The following NFKB2 variants were observed in gnomAD, a reference collection of about 807,000 sequenced individuals.
The protein encoded by NFKB2 is nuclear factor kappa B subunit 2.
In NFKB2, 21 loss-of-function variants were observed where a neutral mutation model predicts 109.3. The observed-to-expected ratio is 0.19, with a 90% CI of 0.14 to 0.28. NFKB2 has a LOEUF of 0.28. Ranked by LOEUF, NFKB2 falls within the 10% of genes least tolerant of loss-of-function variation. The pLI is 1.00. For synonymous variants in NFKB2, 478 were observed against 489.9 expected (o/e 0.98, Z 0.32); for missense variants, 806 against 1,185.3 (o/e 0.68, Z 4.70).
chr10:102,401,550 C>A lies in NFKB2; in HGVS notation c.2293+32C>A, dbSNP rs201744092. On this transcript the variant is annotated intron_variant, in intron 20 of 22. Transcript: ENST00000661543. This position sits in a 1 kb window ranked among gnomAD's most constrained non-coding sequence, Gnocchi z 4.2. Reference sequence around the variant, plus strand: ...AGCATCAGGCATCCCCAGCCCGACTCCTCTGACTCCTCACAGAGGTCTCTT... The same window carrying A: ...AGCATCAGGCATCCCCAGCCCGACTACTCTGACTCCTCACAGAGGTCTCTT... 6.2e-6 allele frequency: 10 copies of A among 1,607,170 alleles called. No homozygotes were observed. The East Asian group carries it at 2.2e-4, about 36-fold the overall frequency.
intron 14 of NFKB2, 141 bp downstream of exon 14, chr10:102,399,859 G>T (rs2061196599): frequency 7.6e-7 from 1 of 1,321,486 alleles, no homozygotes; most frequent in Non-Finnish European, 1.0e-6. Context: ...AAGCTGCTTG[G>T]TCTCTCCAAA....
rs764207467 is a variant in NFKB2 at position 102,398,901 on chromosome 10, G to A, written c.1117+37G>A. On this transcript the variant is annotated intron_variant, in intron 12 of 22. Transcript: ENST00000661543. The surrounding 1 kb of genome is among the most constrained non-coding windows in gnomAD (Gnocchi z 6.6). Reference sequence around the variant, plus strand: ...CTGATGGAGGGAGGGGTAAAGGTAAGAGAAGCTGTGGAGGAAAAAAATCTG... The same window carrying A: ...CTGATGGAGGGAGGGGTAAAGGTAAAAGAAGCTGTGGAGGAAAAAAATCTG... 2 of 1,575,090 alleles carry A rather than the reference G, an allele frequency of 1.3e-6. No homozygotes were observed. Among genetic ancestry groups the A allele is most frequent in the African/African-American group, 2.7e-5 (2 of 73,808 alleles).
chr10:102,398,303 C>CAGGGCT lies in NFKB2; in HGVS notation c.852+12_852+17dup. On this transcript the variant is annotated splice_region_variant and intron_variant, in intron 10 of 22. Transcript: ENST00000661543. This position sits in a 1 kb window ranked among gnomAD's most constrained non-coding sequence, Gnocchi z 6.6. ...CCACAGATGTGCATAAACAGGTACC[C>CAGGGCT]AGGGCTAGGGCCCGGGCCCGGGCTG... 2.5e-6 allele frequency: 4 copies of CAGGGCT among 1,614,094 alleles called. No individual in the cohort carries two copies. Among genetic ancestry groups the CAGGGCT allele is most frequent in the South Asian group, 1.1e-5 (1 of 91,084 alleles).
Position 102,398,223 on chromosome 10 carries a change from G to T in NFKB2, c.778G>T (p.Val260Phe). The T allele has an allele frequency of 6.2e-7, 1 of 1,614,144 alleles. No individual in the cohort carries two copies. Among genetic ancestry groups the T allele is most frequent in the Non-Finnish European group, 8.5e-7 (1 of 1,180,022 alleles). Residue 260 changes from valine to phenylalanine, a missense_variant, in exon 10 of 23, where the codon GTT (valine) becomes TTT (phenylalanine). Coordinates refer to ENST00000661543, the MANE Select transcript of NFKB2 (RefSeq NM_001322934.2). The surrounding 1 kb of genome is among the most constrained non-coding windows in gnomAD (Gnocchi z 6.6). ...CGTTTTCCTTGTAGATGACATTGAG[G>T]TTCGGTTCTATGAGGATGATGAGAA... Reference protein sequence around the residue: ...CDKVQKDDIEVRFYEDDENGW... With the variant: ...CDKVQKDDIEFRFYEDDENGW...
Position 102,398,689 on chromosome 10 carries a change from T to A in NFKB2, c.992-50T>A. On this transcript the variant is annotated intron_variant, in intron 11 of 22. Coordinates refer to ENST00000661543, the MANE Select transcript of NFKB2 (RefSeq NM_001322934.2). The surrounding 1 kb of genome is among the most constrained non-coding windows in gnomAD (Gnocchi z 6.6). Reference sequence around the variant, plus strand: ...TGAGGGCTCTTCTGGGAAGGGCCCCTGAGGCATGACACAATAACTGGGCTC... The same window carrying A: ...TGAGGGCTCTTCTGGGAAGGGCCCCAGAGGCATGACACAATAACTGGGCTC... 6.2e-7 allele frequency: 1 copy of A among 1,612,018 alleles called. No individual in the cohort carries two copies. Among genetic ancestry groups the A allele is most frequent in the Non-Finnish European group, 8.5e-7 (1 of 1,179,972 alleles).
In NFKB2 at chr10:102,397,505, C is replaced by T. The variant is rs1400124776; in HGVS notation, c.503-22C>T. Reference sequence around the variant, plus strand: ...AGCAGGGAGGGAGAAGCCCAGGGGTCACACATGTACCTACTGCCCAGAGGC... The same window carrying T: ...AGCAGGGAGGGAGAAGCCCAGGGGTTACACATGTACCTACTGCCCAGAGGC... On this transcript the variant is annotated intron_variant, in intron 7 of 22. Transcript: ENST00000661543. The surrounding 1 kb of genome is among the most constrained non-coding windows in gnomAD (Gnocchi z 4.7). 3 of 1,609,030 alleles carry T rather than the reference C, an allele frequency of 1.9e-6. No homozygotes were observed. The highest frequency in any genetic ancestry group is 2.2e-5 in the East Asian group (1 of 44,800).
Position 102,398,126 on chromosome 10 carries a change from A to C in NFKB2, c.766+41A>C. ...ACTTTGGGCACCAAGGACATCGAGT[A>C]TAAGACTGGGGCCAGGGAAGCTCTA... is the stretch of plus-strand genomic sequence containing the variant. On this transcript the variant is annotated intron_variant, in intron 9 of 22. Transcript: ENST00000661543. This position sits in a 1 kb window ranked among gnomAD's most constrained non-coding sequence, Gnocchi z 6.6. 1 of 1,612,976 alleles carries C rather than the reference A, an allele frequency of 6.2e-7. No individual in the cohort carries two copies. Among genetic ancestry groups the C allele is most frequent in the Non-Finnish European group, 8.5e-7 (1 of 1,178,976 alleles).
Position 102,395,743 on chromosome 10 carries a change from A to G in NFKB2, c.-126A>G. On this transcript the variant is annotated 5_prime_UTR_variant, in exon 1 of 23. Coordinates refer to ENST00000661543, the MANE Select transcript of NFKB2 (RefSeq NM_001322934.2). ...CTTCCCCGGCCAAGCCCAACTCCGGATCTCGCTCTCCACCGGATCTCACCC... is the reference window on the plus strand; with the variant it reads ...CTTCCCCGGCCAAGCCCAACTCCGGGTCTCGCTCTCCACCGGATCTCACCC... 1.7e-6 allele frequency: 1 copy of G among 598,286 alleles called. No individual in the cohort carries two copies. Among genetic ancestry groups the G allele is most frequent in the South Asian group, 2.0e-5 (1 of 50,604 alleles). 37.1% of individuals were successfully genotyped at this position (598,286 alleles called of 1,614,324 possible).
chr10:102,400,634 T>C lies in NFKB2; in HGVS notation c.1799-21T>C, dbSNP rs1261159190. ...CTGCCTTAAGGGTCACAGCTGCAGG[T>C]TGAGCATCCTGCATCCTTAGGACTG... On this transcript the variant is annotated intron_variant, in intron 16 of 22. Transcript: ENST00000661543. This position sits in a 1 kb window ranked among gnomAD's most constrained non-coding sequence, Gnocchi z 6.3. 6.2e-6 allele frequency: 10 copies of C among 1,612,424 alleles called. No homozygotes were observed. Among genetic ancestry groups the C allele is most frequent in the South Asian group, 1.1e-5 (1 of 90,928 alleles).
At position 102,395,810 on chromosome 10, in the gene NFKB2, C is replaced by G. The variant is rs1383559190; in HGVS notation, c.-73+14C>G. ...CGGCTGGAGGAGGTCGGACCCTCCC[C>G]CAAATCTGGGCCCCCATCTCCCGCC... On this transcript the variant is annotated intron_variant, in intron 1 of 22. Coordinates refer to ENST00000661543, the MANE Select transcript of NFKB2 (RefSeq NM_001322934.2). 1.7e-6 allele frequency: 1 copy of G among 601,174 alleles called. No homozygotes were observed. Among genetic ancestry groups the G allele is most frequent in the Non-Finnish European group, 2.8e-6 (1 of 360,842 alleles). The allele number at this position is 601,174 out of a possible 1,614,324, so 37.2% of individuals were successfully genotyped here. A position where few individuals can be genotyped will look rare whatever the true frequency, so the allele number is the denominator to read the frequency against.
chr10:102,401,815 G>C lies in NFKB2; in HGVS notation c.2364G>C (p.Gln788His). 1 of 1,613,924 alleles carries C rather than the reference G, an allele frequency of 6.2e-7. No individual in the cohort carries two copies. Among genetic ancestry groups the C allele is most frequent in the Non-Finnish European group, 8.5e-7 (1 of 1,179,930 alleles). Residue 788 changes from glutamine (Q) to histidine (H), a missense_variant, in exon 21 of 23, where the codon CAG becomes CAC. Coordinates refer to ENST00000661543, the MANE Select transcript of NFKB2 (RefSeq NM_001322934.2). The surrounding 1 kb of genome is among the most constrained non-coding windows in gnomAD (Gnocchi z 4.2). ...LEQLLDGPEA[Q>H]GSWAELAERL... ...AGCTGCTAGACGGGCCAGAAGCCCA[G>C]GGCAGCTGGGCAGAGCTGGCAGAGC...
rs1029572364 is a variant in NFKB2, at chr10:102,401,950, C to G, written c.2466+33C>G. On this transcript the variant is annotated intron_variant, in intron 21 of 22. Transcript: ENST00000661543. The surrounding 1 kb of genome is among the most constrained non-coding windows in gnomAD (Gnocchi z 4.2). Reference sequence around the variant, plus strand: ...GGCCTGTGCCCTGCCCCCTCCCCAGCCTCCTTTCCCGATCTGAGTCCAGGT... The same window carrying G: ...GGCCTGTGCCCTGCCCCCTCCCCAGGCTCCTTTCCCGATCTGAGTCCAGGT... 6.3e-7 allele frequency: 1 copy of G among 1,598,508 alleles called. No homozygotes were observed. The highest frequency in any genetic ancestry group is 1.1e-5 in the South Asian group (1 of 89,036).
In NFKB2 at chr10:102,401,230, C is replaced by T; in HGVS notation, c.2122C>T (p.Pro708Ser). 2 of 1,610,454 alleles carry T rather than the reference C, an allele frequency of 1.2e-6. No homozygotes were observed. The highest frequency in any genetic ancestry group is 1.7e-5 in the Admixed American group (1 of 59,600). ...NEEPLCPLPS[P>S]PTSDSDSDSE... ...GGAGCCCCTGTGCCCACTGCCTTCA[C>T]CCCCTACCTCTGATAGCGACTCGGA... The change falls in exon 19 of 23, where the codon CCC (proline) becomes TCC (serine). Residue 708 changes from proline to serine, a missense_variant. Pro to Ser is a moderately conservative substitution (Grantham distance 74, BLOSUM62 -1). Around this residue, in one of 10 missense-constraint regions of NFKB2, gnomAD observed 211 missense variants for 268.7 expected, o/e 0.79. Coordinates refer to ENST00000661543, the MANE Select transcript of NFKB2 (RefSeq NM_001322934.2). The surrounding 1 kb of genome is among the most constrained non-coding windows in gnomAD (Gnocchi z 4.2).
chr10:102,399,166 G>A, intron 12 of NFKB2, 122 bp from the exon 13 acceptor site: 2 of 1,003,452 alleles, frequency 2.0e-6, no homozygotes, highest in Non-Finnish European at 2.9e-6. Context: ...AGTAAGCTGA[G>A]ATCACACCAC....
rs774558179 is a variant in NFKB2 at position 102,396,400 on chromosome 10, G to A, written c.104-49G>A. The A allele has an allele frequency of 6.2e-7, 1 of 1,613,944 alleles. No homozygotes were observed. The highest frequency in any genetic ancestry group is 1.1e-5 in the South Asian group (1 of 90,958). On this transcript the variant is annotated intron_variant, in intron 3 of 22. Coordinates refer to ENST00000661543, the MANE Select transcript of NFKB2 (RefSeq NM_001322934.2). This position sits in a 1 kb window ranked among gnomAD's most constrained non-coding sequence, Gnocchi z 5.9. ...GAGGGAGAGCATGTGCCCTCTCTCTGGGGGAGGGGCTGGGAGATCGTGGCT... is the reference window on the plus strand; with the variant it reads ...GAGGGAGAGCATGTGCCCTCTCTCTAGGGGAGGGGCTGGGAGATCGTGGCT...
intron 14 of NFKB2, 110 bp from the exon 15 acceptor site, chr10:102,399,970 A>G: frequency 1.7e-6 from 2 of 1,202,786 alleles, no homozygotes; most frequent in Admixed American, 2.0e-5. Flanking sequence ...GCCCTGGGCC[A>G]CGTGCTGGGT....
chr10:102,394,888 C>A (rs1187717265), upstream of NFKB2: 1 of 152,396 alleles, frequency 6.6e-6, no homozygotes, highest in Non-Finnish European at 1.5e-5. Flanking sequence ...TGCACCCACA[C>A]CCTTCACGCA....
chr10:102,399,361 C>T lies in NFKB2; in HGVS notation c.1191C>T (p.Cys397=), dbSNP rs1404492640. Residue 397 remains cysteine (C), a synonymous_variant, in exon 13 of 23, where the codon TGC becomes TGT. Coordinates refer to ENST00000661543, the MANE Select transcript of NFKB2 (RefSeq NM_001322934.2). The part of the protein sequence containing the change: ...PYQSGAGPMG[C]YPGGGGGAQM... The stretch of plus-strand genomic sequence containing the variant: ...AGTCCGGCGCGGGCCCCATGGGCTG[C>T]TACCCGGGAGGCGGGGGCGGGGCGC... The T allele has an allele frequency of 2.6e-6, 4 of 1,559,794 alleles. No homozygotes were observed. Among genetic ancestry groups the T allele is most frequent in the Non-Finnish European group, 2.6e-6 (3 of 1,154,316 alleles).
Position 102,396,104 on chromosome 10 carries a change from TC to T in NFKB2, c.21+126del. On this transcript the variant is annotated intron_variant, in intron 2 of 22. Transcript: ENST00000661543. This position sits in a 1 kb window ranked among gnomAD's most constrained non-coding sequence, Gnocchi z 5.9. ...CAGATGCTCTCAGCCTGCCAGTCTG[TC>T]CATCTGTCTGCAACTCTGCCTCCAA... is the stretch of plus-strand genomic sequence containing the variant. The T allele has an allele frequency of 6.7e-7, 1 of 1,483,614 alleles. No individual in the cohort carries two copies. The highest frequency in any genetic ancestry group is 9.4e-7 in the Non-Finnish European group (1 of 1,068,944). The allele number at this position is 1,483,614 out of a possible 1,614,324, so 91.9% of individuals were successfully genotyped here. A position where few individuals can be genotyped will look rare whatever the true frequency, so the allele number is the denominator to read the frequency against.
Sources: gnomAD v4.1 joint callset for allele counts on GRCh38, gnomAD v4.1.1 for gene constraint, gnomAD v4.1.1 regional missense constraint, Gnocchi (gnomAD v3.1) non-coding constraint, MANE v1.5 for transcripts, NCBI Gene and HGNC (gene_info 2026-07-23, HGNC 2026-07-21) for gene names.